STRBP: variants seen among roughly 807,000 people sequenced by gnomAD.
STRBP encodes the protein spermatid perinuclear RNA-binding protein.
In STRBP, 13 loss-of-function variants were observed where a neutral mutation model predicts 80.1. The observed-to-expected ratio is 0.16, with a 90% confidence interval of 0.11 to 0.26. STRBP has a LOEUF of 0.26. STRBP is among the 10% of genes least tolerant of loss of function. STRBP has a pLI of 1.00. For missense variants in STRBP, 485 were observed against 815.2 expected (o/e 0.59, Z 4.93); for synonymous variants, 284 against 291.2 (o/e 0.98, Z 0.25).
intron 2 of STRBP, among the ~76,000 whole-genome samples, chr9:123,198,458 GA>G (rs1218112381): frequency 6.6e-6 from 1 of 151,998 alleles, no homozygotes; most frequent in South Asian, 2.1e-4. Context: ...TTTTTAATGG[GA>G]TTTTTTTTTT....
chr9:123,159,146 T>G lies in STRBP; in HGVS notation c.785A>C (p.Glu262Ala), dbSNP rs2037414749. The change falls in exon 9 of 19, where the codon GAG becomes GCG. Residue 262 changes from glutamate to alanine, a missense_variant. Glu to Ala is a moderately radical substitution (Grantham distance 107). This residue lies in a region of STRBP where 377 missense variants were observed against 616.1 expected (regional missense o/e 0.61). Transcript: ENST00000348403. ...GTCNRPLGAG[E>A]ALRRVMECLA... ...ACACTCCATTACTCGTCTCAAGGCC[T>G]CCCCAGCGCCCAAAGGTCTATTACA... The G allele has an allele frequency of 1.2e-6, 2 of 1,613,648 alleles. No individual in the cohort carries two copies. Among genetic ancestry groups the G allele is most frequent in the Non-Finnish European group, 8.5e-7 (1 of 1,179,646 alleles).
chr9:123,267,342 T>A lies in STRBP; in HGVS notation c.-302+1094A>T, dbSNP rs182039511. ...CTATCCTTTAAATGCCCCACACACC[T>A]CCTGCTCTCCATCCCCATCACCCTT... is the stretch of plus-strand genomic sequence containing the variant. On this transcript the variant is annotated intron_variant, in intron 1 of 18. Coordinates refer to ENST00000348403, the MANE Select transcript of STRBP (RefSeq NM_018387.5). Among the ~76,000 whole-genome samples, 17 of 151,748 alleles carry A rather than the reference T, an allele frequency of 1.1e-4. No individual in the cohort carries two copies. In the East Asian group the frequency reaches 3.3e-3, roughly 29 times the overall value.
Position 123,115,209 on chromosome 9 carries a change from TG to T in STRBP, c.*84+719del, listed in dbSNP as rs764595459. 18 of 471,054 alleles carry T rather than the reference TG, an allele frequency of 3.8e-5. No individual in the cohort carries two copies. Among genetic ancestry groups the T allele is most frequent in the Non-Finnish European group, 7.5e-5 (17 of 227,028 alleles). The allele number at this position is 471,054 out of a possible 1,614,324, so 29.2% of individuals were successfully genotyped here. A position where few individuals can be genotyped will look rare whatever the true frequency, so the allele number is the denominator to read the frequency against. The stretch of plus-strand genomic sequence containing the variant: ...TCCCCAAGTGGGCACACTCTCTCTG[TG>T]CATGCATGCCAGGCCCGCCTCTGAC... On this transcript the variant is annotated intron_variant and NMD_transcript_variant, in intron 3 of 3. Transcript: ENST00000471564. The surrounding 1 kb of genome is among the most constrained non-coding windows in gnomAD (Gnocchi z 5.0).
chr9:123,212,730 A>C (rs2039754188), intron 2 of STRBP: 1 of 152,250 alleles, frequency 6.6e-6, no homozygotes, highest in African/African-American at 2.4e-5. Flanking sequence ...GACACCAATA[A>C]GTGAATAAAT....
At chr9:123,223,443 G>A (rs192688506) in intron 2 of STRBP, among the ~76,000 whole-genome samples, 35 of 152,256 alleles carry the variant, frequency 2.3e-4, no homozygotes, top group Admixed American at 2.2e-3. Flanking sequence ...GTGGAATTAT[G>A]AGGTGGGAGT....
chr9:123,171,664 T>C (rs2038016066), intron 5 of STRBP, among the ~76,000 whole-genome samples: 1 of 152,216 alleles, frequency 6.6e-6, no homozygotes, highest in Non-Finnish European at 1.5e-5. Context: ...AGAAAATGTA[T>C]CTTTACCCAA....
chr9:123,204,220 A>C (rs745450626), intron 2 of STRBP, among the ~76,000 whole-genome samples: 21 of 152,240 alleles, frequency 1.4e-4, no homozygotes, highest in Non-Finnish European at 2.6e-4. Flanking sequence ...AGCAGTAAAG[A>C]ACAGATAAAT....
chr9:123,172,870 T>C (rs565324389), intron 5 of STRBP, among the ~76,000 whole-genome samples: 1 of 152,268 alleles, frequency 6.6e-6, no homozygotes, highest in Admixed American at 6.5e-5. Context: ...GTGGGGAGCA[T>C]TCAACAATTC....
intron 1 of STRBP, among the ~76,000 whole-genome samples, chr9:123,263,397 T>C (rs2041198450): frequency 6.6e-6 from 1 of 151,986 alleles, no homozygotes; most frequent in South Asian, 2.1e-4. Context: ...TGGTGGCACA[T>C]GCCTGTAGTC....
At chr9:123,128,333 C>T in intron 17 of STRBP, 75 bp from the exon 18 acceptor site, 2 of 1,550,456 alleles carry the variant, frequency 1.3e-6, no homozygotes, top group South Asian at 1.1e-5. Context: ...ACAAGCACCA[C>T]CTGCTCAGCA....
intron 13 of STRBP, among the ~76,000 whole-genome samples, chr9:123,140,063 G>GA: frequency 6.6e-6 from 1 of 152,136 alleles, no homozygotes; most frequent in African/African-American, 2.4e-5. Flanking sequence ...GTCTAGAAAG[G>GA]AAAAAATCTG....
intron 13 of STRBP, among the ~76,000 whole-genome samples, chr9:123,140,130 A>G (rs2036527008): frequency 6.6e-6 from 1 of 152,206 alleles, no homozygotes; most frequent in South Asian, 2.1e-4. Context: ...ACAAAACAGG[A>G]AGACTATACT....
chr9:123,253,658 G>C (rs1381183595), intron 1 of STRBP, among the ~76,000 whole-genome samples: 2 of 152,228 alleles, frequency 1.3e-5, no homozygotes, highest in African/African-American at 4.8e-5. Flanking sequence ...ACAATAATAT[G>C]CACAACGCAT....
chr9:123,266,791 C>T (rs4838037), intron 1 of STRBP, among the ~76,000 whole-genome samples: 56,734 of 151,786 alleles, frequency 0.37, 17,410 homozygotes, highest in African/African-American at 0.82. Flanking sequence ...CTTGCCCTTC[C>T]CTTACTCCAC....
intron 3 of STRBP, 111 bp from the exon 4 acceptor site, chr9:123,179,338 A>G: frequency 1.1e-6 from 1 of 884,798 alleles, no homozygotes; most frequent in Non-Finnish European, 1.7e-6. Flanking sequence ...TCTACTGTGA[A>G]ACAGTTAATA....
intron 1 of STRBP, among the ~76,000 whole-genome samples, chr9:123,244,650 G>T (rs982675773): frequency 6.6e-5 from 10 of 152,170 alleles, no homozygotes; most frequent in African/African-American, 2.4e-4. Flanking sequence ...AAATAGTATT[G>T]ATGTCAAACG....
chr9:123,146,724 G>A, intron 13 of STRBP, 131 bp downstream of exon 13: 1 of 796,998 alleles, frequency 1.3e-6, no homozygotes, highest in South Asian at 3.9e-5. Flanking sequence ...TTATCCAGAA[G>A]TAACAAAAGT....
At chr9:123,225,995 C>G (rs1289592004) in intron 2 of STRBP, among the ~76,000 whole-genome samples, 1 of 152,182 alleles carries the variant, frequency 6.6e-6, no homozygotes, top group Non-Finnish European at 1.5e-5. Context: ...AGCAAATTTA[C>G]TCATAATGGC....
intron 2 of STRBP, among the ~76,000 whole-genome samples, chr9:123,207,608 T>G (rs1206091859): frequency 6.6e-6 from 1 of 152,054 alleles, no homozygotes; most frequent in Non-Finnish European, 1.5e-5. Context: ...AGGGGAGGGA[T>G]AGCATTCGGA....
Sources: allele counts gnomAD v4.1 joint callset (sites outside exome capture counted in the v4.1 genomes callset), GRCh38; gene constraint gnomAD v4.1.1; regional missense constraint gnomAD v4.1.1; non-coding constraint Gnocchi (gnomAD v3.1); transcripts MANE v1.5; gene names NCBI Gene and HGNC (gene_info 2026-07-23, HGNC 2026-07-21).